IYD: variants seen among roughly 807,000 people sequenced by gnomAD.
IYD encodes iodotyrosine deiodinase.
Under a neutral mutation model 28.4 loss-of-function variants are expected in IYD, and 25 were observed. The ratio of observed to expected loss-of-function variants is 0.88; its 90% CI spans 0.64 to 1.23. IYD has a LOEUF of 1.23. Among genes scored for constraint, IYD ranks in the 50% most tolerant of loss-of-function variants. The probability of loss-of-function intolerance (pLI) is 0.00; values close to 1 mark genes in which losing one functional copy is unlikely to be tolerated. For synonymous variants in IYD, 140 were observed against 130.8 expected, an observed-to-expected ratio of 1.07 and a Z score of -0.48; for missense variants, 352 against 357.9, an observed-to-expected ratio of 0.98 and a Z score of 0.13.
chr6:150,395,607 G>C (rs768884980), intron 4 of IYD: 102 of 1,466,026 alleles, frequency 7.0e-5, no homozygotes, highest in Non-Finnish European at 9.4e-5. Flanking sequence ...TTGCCATTGA[G>C]TTTGCTGCCC....
Position 150,389,504 on chromosome 6 carries a change from G to C in IYD, c.331G>C (p.Val111Leu). 2 of 1,614,120 alleles carry C rather than the reference G, an allele frequency of 1.2e-6. No homozygotes were observed. Among genetic ancestry groups the C allele is most frequent in the Non-Finnish European group, 1.7e-6 (2 of 1,179,992 alleles). ...AGTCAGGTTCATAAGTAATGAGCAAGTCCCAATGGAAGTCATTGATAATGT... is the reference window on the plus strand; with the variant it reads ...AGTCAGGTTCATAAGTAATGAGCAACTCCCAATGGAAGTCATTGATAATGT... ...RSVRFISNEQ[V>L]PMEVIDNVIR... Residue 111 changes from valine (V) to leucine (L), a missense_variant, in exon 2 of 5, where the codon GTC becomes CTC. Coordinates refer to ENST00000344419, the MANE Select transcript of IYD (RefSeq NM_203395.3).
At position 150,398,484 on chromosome 6, in the gene IYD, T is replaced by C. The variant is rs1778409812; in HGVS notation, c.*247T>C. ...TTTACAAAGAACATGCCCGGGTTTT[T>C]ACATTTTAAAAGTTATTCTAGACAA... On this transcript the variant is annotated 3_prime_UTR_variant, in exon 5 of 5. Transcript: ENST00000344419. 2.0e-6 allele frequency: 1 copy of C among 492,768 alleles called. No individual in the cohort carries two copies. The highest frequency in any genetic ancestry group is 3.3e-5 in the East Asian group (1 of 30,176). 30.5% of individuals were successfully genotyped at this position (492,768 alleles called of 1,614,324 possible).
intron 1 of IYD, among the ~76,000 whole-genome samples, chr6:150,374,798 C>T (rs1208713024): frequency 6.6e-6 from 1 of 152,206 alleles, no homozygotes; most frequent in Non-Finnish European, 1.5e-5. Context: ...CTAACATCCT[C>T]AGAGATGAGA....
At position 150,395,418 on chromosome 6, in the gene IYD, G is replaced by C. The variant is rs889107442; in HGVS notation, c.687+1163G>C. On this transcript the variant is annotated intron_variant, in intron 4 of 4. Coordinates refer to ENST00000344419, the MANE Select transcript of IYD (RefSeq NM_203395.3). Reference sequence around the variant, plus strand: ...GGTTTTTGGAAAAATTATCCTGAAGGAGCTGGCATTGATTTCCTTCCTGAA... The same window carrying C: ...GGTTTTTGGAAAAATTATCCTGAAGCAGCTGGCATTGATTTCCTTCCTGAA... 15 of 1,537,106 alleles carry C rather than the reference G, an allele frequency of 9.8e-6. No individual in the cohort carries two copies. The Middle Eastern group carries it at 8.3e-4, about 85-fold the overall frequency.
At position 150,398,120 on chromosome 6, in the gene IYD, G is replaced by A. The variant is rs1582806090; in HGVS notation, c.753G>A (p.Leu251=). ...GTGGCCCTCGACTGAGGGTGCTCCTGGGCCGCCCCGCACATGAAAAGCTGC... is the reference window on the plus strand; with the variant it reads ...GTGGCCCTCGACTGAGGGTGCTCCTAGGCCGCCCCGCACATGAAAAGCTGC... ...LNCGPRLRVL[L]GRPAHEKLLM... The change falls in exon 5 of 5, where the codon CTG becomes CTA. Residue 251 remains leucine, a synonymous_variant. Coordinates refer to ENST00000344419, the MANE Select transcript of IYD (RefSeq NM_203395.3). The A allele has an allele frequency of 1.9e-6, 3 of 1,614,148 alleles. No individual in the cohort carries two copies. The East Asian group carries it at 6.7e-5, about 36-fold the overall frequency.
chr6:150,391,233 C>CAAAA (rs3842126), intron 2 of IYD, among the ~76,000 whole-genome samples: 3 of 114,080 alleles, frequency 2.6e-5, no homozygotes, highest in Non-Finnish European at 4.0e-5. Context: ...GAGACGCCAT[C>CAAAA]AAAAAAAAAA....
At chr6:150,380,194 T>C (rs1777597713) in intron 1 of IYD, among the ~76,000 whole-genome samples, 1 of 152,224 alleles carries the variant, frequency 6.6e-6, no homozygotes, top group Non-Finnish European at 1.5e-5. Flanking sequence ...ATTTGCATTA[T>C]ACATAGTATT....
chr6:150,395,346 T>A, intron 4 of IYD: 2 of 1,333,696 alleles, frequency 1.5e-6, no homozygotes, highest in Non-Finnish European at 2.1e-6. Context: ...GAAAAACATG[T>A]ATGTTGAATA....
At position 150,398,009 on chromosome 6, in the gene IYD, A is replaced by T. The variant is rs751123570; in HGVS notation, c.688-46A>T. ...TCCCCAGGTTAGAGGGAGAGCAGTC[A>T]TTCTGCCTGCTGACTTTAAAATGCT... On this transcript the variant is annotated intron_variant, in intron 4 of 4. Coordinates refer to ENST00000344419, the MANE Select transcript of IYD (RefSeq NM_203395.3). 13 of 1,582,124 alleles carry T rather than the reference A, an allele frequency of 8.2e-6. No individual in the cohort carries two copies. The African/African-American group carries it at 1.2e-4, about 15-fold the overall frequency.
At chr6:150,396,673 G>A (rs1296909269) in intron 4 of IYD, 5 of 382,988 alleles carry the variant, frequency 1.3e-5, no homozygotes, top group East Asian at 9.5e-5. Context: ...AGGAGATCGA[G>A]ACCATCCTGG....
intron 4 of IYD, chr6:150,395,753 C>A: frequency 1.5e-6 from 1 of 681,642 alleles, no homozygotes; most frequent in Non-Finnish European, 2.7e-6. Flanking sequence ...GTAGAGGCAG[C>A]TTCCAGAACT....
intron 1 of IYD, among the ~76,000 whole-genome samples, chr6:150,374,976 T>C (rs888382668): frequency 3.3e-5 from 5 of 152,122 alleles, no homozygotes; most frequent in African/African-American, 9.7e-5. Context: ...TGGGGTAATA[T>C]GTTCTGAACC....
intron 1 of IYD, among the ~76,000 whole-genome samples, chr6:150,380,171 T>A (rs572987036): frequency 2.3e-4 from 35 of 152,320 alleles, no homozygotes; most frequent in Middle Eastern, 3.4e-3. Flanking sequence ...TTTTGAGAAC[T>A]TTACCAAATG....
At chr6:150,382,397 G>A (rs1382525231) in intron 1 of IYD, among the ~76,000 whole-genome samples, 1 of 152,104 alleles carries the variant, frequency 6.6e-6, no homozygotes, top group Non-Finnish European at 1.5e-5. Flanking sequence ...CAGTCTCTGA[G>A]TCAGCTTCTT....
At chr6:150,377,947 A>G (rs535097939) in intron 1 of IYD, among the ~76,000 whole-genome samples, 1 of 151,902 alleles carries the variant, frequency 6.6e-6, no homozygotes, top group South Asian at 2.1e-4. Context: ...GTTTATTACC[A>G]CTCCCCCATC....
chr6:150,370,237 GCATGAGAGTGGA>G (rs575624373), intron 1 of IYD, among the ~76,000 whole-genome samples: 181 of 148,020 alleles, frequency 1.2e-3, no homozygotes, highest in African/African-American at 4.0e-3. Context: ...GTGTGTGTGT[GCATGAGAGTGGA>G]TGTGTGTGCG....
Position 150,398,040 on chromosome 6 carries a change from G to C in IYD, c.688-15G>C, listed in dbSNP as rs750134943. 1 of 1,613,740 alleles carries C rather than the reference G, an allele frequency of 6.2e-7. No homozygotes were observed. The highest frequency in any genetic ancestry group is 8.5e-7 in the Non-Finnish European group (1 of 1,179,652). On this transcript the variant is annotated splice_polypyrimidine_tract_variant and intron_variant, in intron 4 of 4. Transcript: ENST00000344419. ...CCTGCTGACTTTAAAATGCTTTCTT[G>C]TCCTCTTATTTTAGAATGCAGGTCT...
At position 150,372,685 on chromosome 6, in the gene IYD, C is replaced by A. The variant is rs574954992; in HGVS notation, c.178+3476C>A. Among the ~76,000 whole-genome samples, 25 of 85,840 alleles carry A rather than the reference C, an allele frequency of 2.9e-4. 1 individual carries two copies. In the South Asian group the frequency reaches 0.012, roughly 43 times the overall value. The allele number at this position is 85,840 out of a possible 152,430, so 56.3% of individuals were successfully genotyped here. ...ACATTGTGTGTCCATGCTTATTAGA[C>A]ATGTGTGTGTGGGGGTGTGTTGGGG... On this transcript the variant is annotated intron_variant, in intron 1 of 4. Coordinates refer to ENST00000344419, the MANE Select transcript of IYD (RefSeq NM_203395.3).
At chr6:150,397,999 G>A in intron 4 of IYD, 56 bp from the exon 5 acceptor site, 1 of 1,529,940 alleles carries the variant, frequency 6.5e-7, no homozygotes, top group Admixed American at 1.7e-5. Context: ...AGGTTAGAGG[G>A]AGAGCAGTCA....
Sources: gnomAD v4.1 joint callset for allele counts (sites outside exome capture counted in the v4.1 genomes callset) on GRCh38, gnomAD v4.1.1 for gene constraint, MANE v1.5 for transcripts, NCBI Gene and HGNC (gene_info 2026-07-23, HGNC 2026-07-21) for gene names.